The following CTNNA2 variants were observed in gnomAD, a reference collection of about 807,000 sequenced individuals.
The protein encoded by CTNNA2 is catenin alpha-2.
CTNNA2 carries 42 observed loss-of-function variants against 101.0 expected under a neutral mutation model. That is an observed-to-expected ratio of 0.42 (90% CI 0.32 to 0.54). CTNNA2 has a LOEUF of 0.54. Among genes scored for constraint, CTNNA2 ranks in the 20% least tolerant of loss-of-function variants. The probability of loss-of-function intolerance (pLI) is 0.14; values close to 1 mark genes in which losing one functional copy is unlikely to be tolerated. For synonymous variants in CTNNA2, 450 were observed against 456.4 expected (o/e 0.99, Z 0.18); for missense variants, 871 against 1,223.1 (o/e 0.71, Z 4.29).
At chr2:79,353,631 C>G (rs1269156702) in intron 3 of CTNNA2, among the ~76,000 whole-genome samples, 1 of 152,096 alleles carries the variant, frequency 6.6e-6, no homozygotes, top group Admixed American at 6.6e-5. Flanking sequence ...ACTTGTCATT[C>G]TATGCCAATT....
intron 1 of CTNNA2, among the ~76,000 whole-genome samples, chr2:79,580,481 G>T (rs751294440): frequency 2.1e-4 from 32 of 152,096 alleles, no homozygotes; most frequent in Non-Finnish European, 4.1e-4. Flanking sequence ...CAAGGAAATG[G>T]ATTTTTCCCT....
At chr2:79,617,059 A>T (rs1216094080) in intron 1 of CTNNA2, among the ~76,000 whole-genome samples, 1 of 151,622 alleles carries the variant, frequency 6.6e-6, no homozygotes, top group Non-Finnish European at 1.5e-5. Flanking sequence ...GCGCCACCAT[A>T]CCCGGCTAAT....
intron 12 of CTNNA2, among the ~76,000 whole-genome samples, chr2:80,566,521 A>C (rs1694076716): frequency 6.6e-6 from 1 of 152,192 alleles, no homozygotes; most frequent in Non-Finnish European, 1.5e-5. Context: ...TGTGTGGACA[A>C]ATCCCACAAC....
Position 80,112,660 on chromosome 2 carries a change from T to C in CTNNA2, c.1056+202863T>C, listed in dbSNP as rs555625532. Among the ~76,000 whole-genome samples the C allele has an allele frequency of 1.1e-4, 17 of 152,304 alleles. No individual in the cohort carries two copies. The South Asian group carries it at 3.5e-3, about 32-fold the overall frequency. On this transcript the variant is annotated intron_variant, in intron 7 of 18. Coordinates refer to ENST00000402739, the MANE Select transcript of CTNNA2 (RefSeq NM_001282597.3). ...TGATGTATAGTCAAGTTTCTCTCTGTTAGAAGTTGTTATATTTGTTTAAGT... is the reference window on the plus strand; with the variant it reads ...TGATGTATAGTCAAGTTTCTCTCTGCTAGAAGTTGTTATATTTGTTTAAGT...
chr2:79,635,271 A>C (rs1008893683), intron 1 of CTNNA2, among the ~76,000 whole-genome samples: 2 of 151,906 alleles, frequency 1.3e-5, no homozygotes, highest in African/African-American at 4.8e-5. Flanking sequence ...CTCTACTAAA[A>C]AATACAAAAA....
intron 2 of CTNNA2, among the ~76,000 whole-genome samples, chr2:79,655,695 G>C (rs2104498360): frequency 6.6e-6 from 1 of 152,076 alleles, no homozygotes; most frequent in East Asian, 1.9e-4. Context: ...CAGGCATGGT[G>C]GTACATGCCT....
At chr2:80,640,958 C>A (rs528369646) in intron 18 of CTNNA2, among the ~76,000 whole-genome samples, 1 of 152,178 alleles carries the variant, frequency 6.6e-6, no homozygotes, top group South Asian at 2.1e-4. Context: ...TTTAGAACAA[C>A]CCCCTTAAAA....
intron 4 of CTNNA2, among the ~76,000 whole-genome samples, chr2:79,407,886 T>A (rs1241897312): frequency 1.3e-5 from 2 of 152,106 alleles, no homozygotes; most frequent in Non-Finnish European, 2.9e-5. Context: ...TGTACAGTTT[T>A]CTGTGCAAAA....
intron 3 of CTNNA2, among the ~76,000 whole-genome samples, chr2:79,839,227 A>G (rs1679618050): frequency 6.6e-6 from 1 of 151,996 alleles, no homozygotes; most frequent in Admixed American, 6.6e-5. Flanking sequence ...TTTATTCATT[A>G]TGTTGAATAT....
intron 7 of CTNNA2, among the ~76,000 whole-genome samples, chr2:80,267,094 C>A (rs532263927): frequency 4.6e-5 from 7 of 152,210 alleles, no homozygotes; most frequent in African/African-American, 1.7e-4. Flanking sequence ...AGAGGGACAC[C>A]GCCTCAAGAC....
rs536521871 is a variant in CTNNA2 at position 80,132,462 on chromosome 2, G to A, written c.1056+222665G>A. Among the ~76,000 whole-genome samples the A allele has an allele frequency of 3.9e-5, 6 of 152,304 alleles. 1 individual carries two copies. In the South Asian group the frequency reaches 6.2e-4, roughly 16 times the overall value. ...ATTTCTCTCCATAAAATCCGAGTAC[G>A]TGTTTATGATATACTATCCAAGTGC... On this transcript the variant is annotated intron_variant, in intron 7 of 18. Coordinates refer to ENST00000402739, the MANE Select transcript of CTNNA2 (RefSeq NM_001282597.3).
chr2:79,560,418 A>G (rs2104123549), intron 1 of CTNNA2, among the ~76,000 whole-genome samples: 1 of 152,092 alleles, frequency 6.6e-6, no homozygotes, highest in South Asian at 2.1e-4. Context: ...ATGTCCATAC[A>G]CTTAGAATAT....
intron 7 of CTNNA2, among the ~76,000 whole-genome samples, chr2:79,940,330 T>C (rs1688069324): frequency 6.6e-6 from 1 of 152,210 alleles, no homozygotes; most frequent in African/African-American, 2.4e-5. Flanking sequence ...AATTTTCTGA[T>C]GGAAAGGTTT....
intron 4 of CTNNA2, among the ~76,000 whole-genome samples, chr2:79,375,671 A>G (rs1573135461): frequency 1.3e-5 from 2 of 152,352 alleles, no homozygotes; most frequent in East Asian, 3.9e-4. Flanking sequence ...TTAAGGTACT[A>G]CAGTGACACT....
At chr2:79,877,421 A>G in intron 6 of CTNNA2, among the ~76,000 whole-genome samples, 1 of 152,224 alleles carries the variant, frequency 6.6e-6, no homozygotes, top group East Asian at 1.9e-4. Context: ...GACATCAGCA[A>G]ACCTAGACAG....
chr2:80,479,791 A>G (rs899959004), intron 9 of CTNNA2, among the ~76,000 whole-genome samples: 1 of 152,202 alleles, frequency 6.6e-6, no homozygotes, highest in African/African-American at 2.4e-5. Flanking sequence ...TATTGAAAAC[A>G]TTTTAATCAC....
chr2:79,968,317 G>T (rs927774355), intron 7 of CTNNA2, among the ~76,000 whole-genome samples: 4 of 152,160 alleles, frequency 2.6e-5, no homozygotes, highest in African/African-American at 9.7e-5. Context: ...GGCTGACAGA[G>T]TAGCCACTGT....
chr2:80,618,483 C>T (rs3821072), intron 17 of CTNNA2, among the ~76,000 whole-genome samples: 36,827 of 151,724 alleles, frequency 0.24, 6,769 homozygotes, highest in African/African-American at 0.52. Flanking sequence ...AAATTATGCC[C>T]CTCACACAAT....
intron 6 of CTNNA2, among the ~76,000 whole-genome samples, chr2:79,882,506 G>C (rs574852240): frequency 3.3e-5 from 5 of 152,334 alleles, no homozygotes; most frequent in Middle Eastern, 3.4e-3. Flanking sequence ...TGCCACAGCC[G>C]GTGTGTTGGG....
Sources: gnomAD v4.1 joint callset for allele counts (sites outside exome capture counted in the v4.1 genomes callset) on GRCh38, gnomAD v4.1.1 for gene constraint, MANE v1.5 for transcripts, NCBI Gene and HGNC (gene_info 2026-07-23, HGNC 2026-07-21) for gene names.